PPP1R9A: variants seen among roughly 807,000 people sequenced by gnomAD.
PPP1R9A encodes the protein protein phosphatase 1 regulatory subunit 9A, also known as neurabin-1.
PPP1R9A carries 59 observed loss-of-function variants against 141.9 expected under a neutral mutation model. The observed-to-expected ratio is 0.42, with a 90% CI of 0.34 to 0.52. The LOEUF (loss-of-function observed/expected upper bound fraction) is 0.52, where lower values mean the gene tolerates loss of function less well. Ranked by LOEUF, PPP1R9A falls within the 20% of genes least tolerant of loss-of-function variation. PPP1R9A has a pLI of 0.10. For missense variants in PPP1R9A, 1,444 were observed against 1,611.9 expected (o/e 0.90, Z 1.78); for synonymous variants, 500 against 569.7 (o/e 0.88, Z 1.74).
At chr7:95,246,899 A>G (rs955539301) in intron 8 of PPP1R9A, among the ~76,000 whole-genome samples, 3 of 152,142 alleles carry the variant, frequency 2.0e-5, no homozygotes, top group Admixed American at 2.0e-4. Flanking sequence ...CTTTTGGAGG[A>G]CAGAAATCTG....
At chr7:95,282,751 A>G (rs1009357189) in intron 16 of PPP1R9A, among the ~76,000 whole-genome samples, 1 of 152,116 alleles carries the variant, frequency 6.6e-6, no homozygotes, top group African/African-American at 2.4e-5. Context: ...TTTTATCAGA[A>G]CCTCACTGAC....
intron 8 of PPP1R9A, among the ~76,000 whole-genome samples, chr7:95,243,849 T>G (rs2152992246): frequency 6.6e-6 from 1 of 152,218 alleles, no homozygotes. Context: ...CCTACAAATG[T>G]AAGAAATTTA....
chr7:95,055,432 A>G (rs879336419), intron 2 of PPP1R9A, among the ~76,000 whole-genome samples: 1 of 152,078 alleles, frequency 6.6e-6, no homozygotes, highest in African/African-American at 2.4e-5. Flanking sequence ...TTCCTTGGAA[A>G]CATCTCCAGT....
intron 5 of PPP1R9A, chr7:95,174,863 G>C (rs948739853): frequency 1.3e-5 from 2 of 151,992 alleles, no homozygotes; most frequent in Admixed American, 1.3e-4. Flanking sequence ...CTGTCTTGTT[G>C]ACCACTGGCA....
chr7:95,066,592 T>C (rs1812980275), intron 2 of PPP1R9A, among the ~76,000 whole-genome samples: 1 of 152,138 alleles, frequency 6.6e-6, no homozygotes. Context: ...CAAAAGGACA[T>C]TAAAAGGAGA....
At chr7:95,000,356 AT>A (rs1298829178) in intron 2 of PPP1R9A, among the ~76,000 whole-genome samples, 1 of 152,102 alleles carries the variant, frequency 6.6e-6, no homozygotes, top group East Asian at 1.9e-4. Flanking sequence ...TTTCATGTAG[AT>A]TTTTGCATGT....
intron 4 of PPP1R9A, 89 bp from the exon 5 acceptor site, chr7:95,161,776 CAT>C: frequency 1.2e-6 from 1 of 804,428 alleles, no homozygotes; most frequent in Non-Finnish European, 1.9e-6. Context: ...TTAAAAATCA[CAT>C]ATTTTGTCAA....
At chr7:95,284,443 T>G in intron 17 of PPP1R9A, 113 bp downstream of exon 17, 1 of 1,059,514 alleles carries the variant, frequency 9.4e-7, no homozygotes, top group Non-Finnish European at 1.3e-6. Context: ...CATTACTCTT[T>G]GATTTGCCTA....
At chr7:94,917,954 G>A (rs1247939384) in intron 2 of PPP1R9A, among the ~76,000 whole-genome samples, 2 of 152,132 alleles carry the variant, frequency 1.3e-5, no homozygotes, top group Non-Finnish European at 2.9e-5. Flanking sequence ...TTGAAAACAA[G>A]TTTAGGAATT....
intron 2 of PPP1R9A, among the ~76,000 whole-genome samples, chr7:94,947,319 C>G (rs1344139658): frequency 1.3e-5 from 2 of 152,120 alleles, no homozygotes; most frequent in South Asian, 4.1e-4. Context: ...TTTTGCCACC[C>G]TCTCCTGAAT....
chr7:94,998,737 G>A (rs1802495409), intron 2 of PPP1R9A, among the ~76,000 whole-genome samples: 1 of 152,154 alleles, frequency 6.6e-6, no homozygotes, highest in Non-Finnish European at 1.5e-5. Context: ...TACAAAAACT[G>A]TATGAAGATG....
At chr7:94,949,907 CTTT>C (rs201956798) in intron 2 of PPP1R9A, among the ~76,000 whole-genome samples, 5 of 118,086 alleles carry the variant, frequency 4.2e-5, no homozygotes, top group South Asian at 2.8e-4. Flanking sequence ...TAAAACAGTT[CTTT>C]TTTTTTTTTT....
At chr7:95,243,581 G>A (rs1210194481) in intron 8 of PPP1R9A, among the ~76,000 whole-genome samples, 1 of 152,090 alleles carries the variant, frequency 6.6e-6, no homozygotes, top group Non-Finnish European at 1.5e-5. Context: ...ATATGGCTTG[G>A]GGTTTGGGGG....
chr7:95,082,139 G>A (rs1413463236), intron 2 of PPP1R9A, among the ~76,000 whole-genome samples: 1 of 152,154 alleles, frequency 6.6e-6, no homozygotes, highest in South Asian at 2.1e-4. Context: ...TGTGAAAGAG[G>A]GGTGTTTGTC....
intron 2 of PPP1R9A, among the ~76,000 whole-genome samples, chr7:95,100,954 G>C (rs1232151034): frequency 2.8e-5 from 4 of 140,618 alleles, no homozygotes; most frequent in Admixed American, 2.3e-4. Flanking sequence ...CCGGGTTCAC[G>C]CCATTCTCCT....
chr7:95,218,197 CATT>C (rs1413061452), intron 7 of PPP1R9A, among the ~76,000 whole-genome samples: 1 of 152,174 alleles, frequency 6.6e-6, no homozygotes, highest in African/African-American at 2.4e-5. Context: ...CAAAGAACAT[CATT>C]ATTTCTGCCT....
chr7:95,019,309 T>C (rs1208988323), intron 2 of PPP1R9A, among the ~76,000 whole-genome samples: 1 of 152,062 alleles, frequency 6.6e-6, no homozygotes, highest in Non-Finnish European at 1.5e-5. Context: ...ATTGAACCCA[T>C]GAGGTGGAGG....
intron 2 of PPP1R9A, among the ~76,000 whole-genome samples, chr7:95,063,994 C>T (rs1812617801): frequency 6.6e-6 from 1 of 152,096 alleles, no homozygotes; most frequent in Non-Finnish European, 1.5e-5. Context: ...CTTTTGAGAT[C>T]CACTTATCTT....
chr7:95,267,854 C>T (rs1198169890), intron 12 of PPP1R9A, among the ~76,000 whole-genome samples: 7 of 152,110 alleles, frequency 4.6e-5, no homozygotes, highest in African/African-American at 1.7e-4. Context: ...TATCCTACCT[C>T]ATCCACAATA....
Sources: allele counts gnomAD v4.1 joint callset (sites outside exome capture counted in the v4.1 genomes callset), GRCh38; gene constraint gnomAD v4.1.1; transcripts MANE v1.5; gene names NCBI Gene and HGNC (gene_info 2026-07-23, HGNC 2026-07-21).